ADAMTSL3: variants seen among roughly 807,000 people sequenced by gnomAD.
ADAMTSL3 encodes the protein ADAMTS-like protein 3.
In ADAMTSL3, 128 loss-of-function variants were observed where a neutral mutation model predicts 201.7. That is an observed-to-expected ratio of 0.63 (90% CI 0.55 to 0.73). ADAMTSL3 has a LOEUF of 0.73. ADAMTSL3 is among the 30% of genes least tolerant of loss of function. The pLI is 0.00. For synonymous variants in ADAMTSL3, 738 were observed against 748.4 expected, an observed-to-expected ratio of 0.99 and a Z score of 0.23; for missense variants, 1,990 against 2,119.6, an observed-to-expected ratio of 0.94 and a Z score of 1.20.
intron 9 of ADAMTSL3, among the ~76,000 whole-genome samples, chr15:83,881,140 T>A (rs184500301): frequency 2.5e-3 from 383 of 152,356 alleles, no homozygotes; most frequent in Non-Finnish European, 4.0e-3. Flanking sequence ...GCTGTCTTAT[T>A]TTTGCTTCTA....
chr15:83,871,513 G>T (rs984715118), intron 9 of ADAMTSL3, among the ~76,000 whole-genome samples: 6 of 152,196 alleles, frequency 3.9e-5, no homozygotes, highest in African/African-American at 7.2e-5. Context: ...TATCCTTAAG[G>T]CGTCTTTACT....
intron 2 of ADAMTSL3, among the ~76,000 whole-genome samples, chr15:83,671,241 C>T (rs1335243836): frequency 6.6e-6 from 1 of 151,986 alleles, no homozygotes; most frequent in Non-Finnish European, 1.5e-5. Context: ...CAGAAATAAC[C>T]TGTTTCTTGA....
Position 84,036,659 on chromosome 15 carries a change from T to TCCAA in ADAMTSL3, c.4755-111_4755-108dup. 4.0e-6 allele frequency: 3 copies of TCCAA among 754,862 alleles called. No individual in the cohort carries two copies. The South Asian group carries it at 5.7e-5, about 14-fold the overall frequency. 46.8% of individuals were successfully genotyped at this position (754,862 alleles called of 1,614,324 possible). ...GAATGTCTTGGTCTTAGACTCTCCA[T>TCCAA]CCAACCTTTAATACGTAGTATAGAG... On this transcript the variant is annotated intron_variant, in intron 28 of 29. Transcript: ENST00000286744.
chr15:83,767,289 ATGTAGGACAAGCT>A, intron 3 of ADAMTSL3, among the ~76,000 whole-genome samples: 1 of 152,184 alleles, frequency 6.6e-6, no homozygotes, highest in Non-Finnish European at 1.5e-5. Context: ...TGCTTGCGTT[ATGTAGGACAAGCT>A]TGTTCAGGTC....
rs1380125723 is a variant in ADAMTSL3 at position 83,983,296 on chromosome 15, C to T, written c.3668C>T (p.Ala1223Val). 4 of 1,594,922 alleles carry T rather than the reference C, an allele frequency of 2.5e-6. No individual in the cohort carries two copies. The Admixed American group carries it at 5.2e-5, about 21-fold the overall frequency. Residue 1223 changes from alanine to valine, a missense_variant, in exon 21 of 30, where the codon GCC (alanine) becomes GTC (valine). Physicochemically the swap from Ala to Val is moderately conservative, Grantham distance 64. Coordinates refer to ENST00000286744, the MANE Select transcript of ADAMTSL3 (RefSeq NM_207517.3). ...ILCDLITPSE[A>V]TYTWTKDGTL... is the part of the protein sequence containing the mutation. Reference sequence around the variant, plus strand: ...TGTGACCTTATTACCCCCAGTGAGGCCACATATACATGGACCAAGGATGGA... The same window carrying T: ...TGTGACCTTATTACCCCCAGTGAGGTCACATATACATGGACCAAGGATGGA...
At chr15:83,758,394 G>A (rs1006611208) in intron 3 of ADAMTSL3, among the ~76,000 whole-genome samples, 1 of 152,172 alleles carries the variant, frequency 6.6e-6, no homozygotes. Context: ...CTTATTCACT[G>A]TCATGAGAAC....
At chr15:84,002,206 G>GA (rs894808605) in intron 23 of ADAMTSL3, among the ~76,000 whole-genome samples, 1 of 152,076 alleles carries the variant, frequency 6.6e-6, no homozygotes, top group Non-Finnish European at 1.5e-5. Flanking sequence ...TATGCAATAC[G>GA]AAAAAACAGG....
chr15:83,693,467 G>A (rs974525780), intron 2 of ADAMTSL3, among the ~76,000 whole-genome samples: 3 of 152,180 alleles, frequency 2.0e-5, no homozygotes, highest in African/African-American at 7.2e-5. Context: ...GCCTTGGGTA[G>A]AGGCAGATGG....
At chr15:83,976,147 G>C (rs2067283188) in intron 20 of ADAMTSL3, among the ~76,000 whole-genome samples, 1 of 152,216 alleles carries the variant, frequency 6.6e-6, no homozygotes, top group African/African-American at 2.4e-5. Flanking sequence ...GGCTTCGGTA[G>C]TAGGGTGGTG....
chr15:83,814,695 TTGGATA>T (rs2063746596), intron 5 of ADAMTSL3, among the ~76,000 whole-genome samples: 1 of 152,240 alleles, frequency 6.6e-6, no homozygotes, highest in African/African-American at 2.4e-5. Context: ...ATAGTACAAC[TTGGATA>T]TGAAGTTAAA....
At chr15:83,923,712 A>C (rs767974369) in intron 16 of ADAMTSL3, among the ~76,000 whole-genome samples, 192 bp from the exon 17 acceptor site, 9 of 152,212 alleles carry the variant, frequency 5.9e-5, no homozygotes, top group Non-Finnish European at 7.3e-5. Context: ...GAATAAGGGA[A>C]TATCATAAAC....
chr15:83,956,843 CTAAA>C (rs2066872512), intron 19 of ADAMTSL3, among the ~76,000 whole-genome samples: 1 of 152,156 alleles, frequency 6.6e-6, no homozygotes, highest in South Asian at 2.1e-4. Context: ...TTCTTCTACT[CTAAA>C]TAGGCCTATT....
chr15:83,763,527 CAG>C (rs1430843399), intron 3 of ADAMTSL3, among the ~76,000 whole-genome samples: 2 of 133,972 alleles, frequency 1.5e-5, no homozygotes, highest in Non-Finnish European at 3.1e-5. Flanking sequence ...TTTTTTGAGA[CAG>C]AGTCTCGCTC....
intron 7 of ADAMTSL3, among the ~76,000 whole-genome samples, chr15:83,839,559 T>A (rs571157946): frequency 2.0e-5 from 3 of 152,316 alleles, no homozygotes; most frequent in African/African-American, 7.2e-5. Context: ...CTGGATTACC[T>A]GTCAGATGAG....
intron 13 of ADAMTSL3, among the ~76,000 whole-genome samples, chr15:83,896,325 T>G (rs2065613587): frequency 6.6e-6 from 1 of 152,148 alleles, no homozygotes; most frequent in African/African-American, 2.4e-5. Flanking sequence ...GTCTGAAGTT[T>G]GTACAGATTG....
intron 19 of ADAMTSL3, among the ~76,000 whole-genome samples, chr15:83,946,926 A>C (rs2066665749): frequency 6.6e-6 from 1 of 152,204 alleles, no homozygotes. Context: ...TCTGGGAGGA[A>C]GGGCAAGCGT....
At chr15:83,961,539 C>T (rs987109095) in intron 19 of ADAMTSL3, 1 of 152,188 alleles carries the variant, frequency 6.6e-6, no homozygotes, top group Non-Finnish European at 1.5e-5. Context: ...AACAGAAAGT[C>T]AACCAAATAA....
At chr15:83,674,970 T>C (rs2061383025) in intron 2 of ADAMTSL3, among the ~76,000 whole-genome samples, 1 of 151,724 alleles carries the variant, frequency 6.6e-6, no homozygotes, top group Non-Finnish European at 1.5e-5. Flanking sequence ...CCTTGTTGGA[T>C]TTATAATTAC....
At chr15:83,932,882 C>T (rs1453200856) in intron 17 of ADAMTSL3, among the ~76,000 whole-genome samples, 1 of 152,040 alleles carries the variant, frequency 6.6e-6, no homozygotes, top group Non-Finnish European at 1.5e-5. Context: ...CACAGAGCAT[C>T]GTAAATTGGA....
Sources: allele counts gnomAD v4.1 joint callset (sites outside exome capture counted in the v4.1 genomes callset), GRCh38; gene constraint gnomAD v4.1.1; transcripts MANE v1.5; gene names NCBI Gene and HGNC (gene_info 2026-07-23, HGNC 2026-07-21).